Variants in C20orf96 observed in about 807,000 individuals in gnomAD.
C20orf96 encodes uncharacterized protein C20orf96.
C20orf96 carries 57 observed loss-of-function variants against 52.6 expected under a neutral mutation model. The observed-to-expected ratio is 1.08, with a 90% confidence interval of 0.88 to 1.35. The LOEUF (loss-of-function observed/expected upper bound fraction) is 1.35. Among genes scored for constraint, C20orf96 ranks in the 40% most tolerant of loss-of-function variants. C20orf96 has a pLI of 0.00. For synonymous variants in C20orf96, 168 were observed against 157.2 expected, an observed-to-expected ratio of 1.07 and a Z score of -0.51; for missense variants, 478 against 443.6, an observed-to-expected ratio of 1.08 and a Z score of -0.70.
At position 276,870 on chromosome 20, in the gene C20orf96, G is replaced by A. The variant is rs113722416; in HGVS notation, c.835C>T (p.Arg279Cys). ...ILSSVVAETQ[R>C]PYEEALLQKM... ...TGTAGGAGAGCCTCTTCATAGGGAC[G>A]CTGGGTTTCCTGTGGAGGAAGAAGA... The change falls in exon 9 of 11, where the codon CGT becomes TGT. Residue 279 changes from arginine to cysteine, a missense_variant. Arg to Cys is a radical substitution (Grantham distance 180). Coordinates refer to ENST00000360321, the MANE Select transcript of C20orf96 (RefSeq NM_153269.3). The A allele has an allele frequency of 6.4e-5, 103 of 1,613,980 alleles. 2 individuals are homozygous for A. Among genetic ancestry groups the A allele is most frequent in the East Asian group, 4.9e-4 (22 of 44,872 alleles).
rs71327437 is a variant in C20orf96 at position 287,908 on chromosome 20, C to CAAAAAAAAAAA, written c.187+1640_187+1650dup. 4.0e-3 allele frequency among the ~76,000 whole-genome samples: 250 copies of CAAAAAAAAAAA among 62,984 alleles called. 10 individuals carry two copies. Among genetic ancestry groups the CAAAAAAAAAAA allele is most frequent in the African/African-American group, 5.6e-3 (98 of 17,398 alleles). 41.3% of individuals were successfully genotyped at this position (62,984 alleles called of 152,430 possible). A position where few individuals can be genotyped will look rare whatever the true frequency, so the allele number is the denominator to read the frequency against. ...TGAGCAACAAAGCGAGACTCCTTCT[C>CAAAAAAAAAAA]AAAAAAAAAAAAAAAAAAAAAAGTC... On this transcript the variant is annotated intron_variant, in intron 3 of 10. Coordinates refer to ENST00000360321, the MANE Select transcript of C20orf96 (RefSeq NM_153269.3).
At position 286,057 on chromosome 20, in the gene C20orf96, T is replaced by C. The variant is rs1310674560; in HGVS notation, c.188-1976A>G. Among the ~76,000 whole-genome samples the C allele has an allele frequency of 2.6e-5, 4 of 152,342 alleles. No individual in the cohort carries two copies. In the East Asian group the frequency reaches 7.7e-4, roughly 29 times the overall value. On this transcript the variant is annotated intron_variant, in intron 3 of 10. Transcript: ENST00000360321. ...AAGTTCCAAAACCCCCTTACAAGTG[T>C]TTATAAAAATTGTAAGATTCTTAAG...
intron 4 of C20orf96, 100 bp from the exon 5 acceptor site, chr20:279,430 G>A (rs889390818): frequency 4.6e-6 from 6 of 1,302,584 alleles, no homozygotes; most frequent in Non-Finnish European, 4.0e-6. Flanking sequence ...CCAGACGCCC[G>A]CCCCCGTGCG....
In C20orf96 at chr20:289,637, G is replaced by C; in HGVS notation, c.109C>G (p.Pro37Ala). 1 of 1,614,044 alleles carries C rather than the reference G, an allele frequency of 6.2e-7. No homozygotes were observed. The highest frequency in any genetic ancestry group is 8.5e-7 in the Non-Finnish European group (1 of 1,179,950). The change falls in exon 3 of 11, where the codon CCA (proline) becomes GCA (alanine). Residue 37 changes from proline (P) to alanine (A), a missense_variant. Transcript: ENST00000360321. The part of the protein sequence containing the change: ...PWQQSKQETK[P>A]STLPPVQQAN... ...TGTTGGACTGGAGGCAGAGTAGATG[G>C]CTTGGTTTCCTGCTTGGACTGCTGC...
intron 5 of C20orf96, 42 bp from the exon 6 acceptor site, chr20:278,471 G>T: frequency 6.6e-7 from 1 of 1,504,870 alleles, no homozygotes; most frequent in Non-Finnish European, 9.3e-7. Flanking sequence ...GGCTCTGCTG[G>T]CTCTCAGAGG....
chr20:273,747 C>G (rs1211532975), intron 10 of C20orf96, among the ~76,000 whole-genome samples: 1 of 151,840 alleles, frequency 6.6e-6, no homozygotes, highest in Non-Finnish European at 1.5e-5. Flanking sequence ...CATGGTGGTG[C>G]ACACCTGTAA....
In C20orf96 at chr20:271,393, A is replaced by C. The variant is rs142278252; in HGVS notation, c.1032-126T>G. On this transcript the variant is annotated intron_variant, in intron 10 of 10. Coordinates refer to ENST00000360321, the MANE Select transcript of C20orf96 (RefSeq NM_153269.3). ...GGGTTGGGGGGCAATCCCAAAATACAATCTGTGATCTATCTGTGACCTCAA... is the reference window on the plus strand; with the variant it reads ...GGGTTGGGGGGCAATCCCAAAATACCATCTGTGATCTATCTGTGACCTCAA... The C allele has an allele frequency of 9.1e-4, 608 of 670,528 alleles. 5 individuals carry two copies. Among genetic ancestry groups the C allele is most frequent in the South Asian group, 8.0e-3 (416 of 51,684 alleles). 41.5% of individuals were successfully genotyped at this position (670,528 alleles called of 1,614,324 possible).
intron 6 of C20orf96, 55 bp from the exon 7 acceptor site, chr20:277,438 C>G: frequency 2.5e-6 from 4 of 1,593,704 alleles, no homozygotes; most frequent in Non-Finnish European, 3.4e-6. Flanking sequence ...TTCCCTCAAG[C>G]ACCTGGGCCC....
chr20:280,154 G>A (rs919390753), intron 4 of C20orf96, among the ~76,000 whole-genome samples: 2 of 152,074 alleles, frequency 1.3e-5, no homozygotes, highest in Non-Finnish European at 2.9e-5. Context: ...AGGGTCTGAG[G>A]GTTAAGTGAC....
chr20:276,849 GGA>G lies in C20orf96; in HGVS notation c.854_855del (p.Leu285ProfsTer22). On this transcript the variant is annotated frameshift_variant, in exon 9 of 11. Coordinates refer to ENST00000360321, the MANE Select transcript of C20orf96 (RefSeq NM_153269.3). LOFTEE classifies it high-confidence loss of function. ...AETQRPYEEA[L>X]LQKMWESQDF... ...TCCTGGCTTTCCCACATCTTCTGTA[GGA>G]GAGCCTCTTCATAGGGACGCTGGGT... 1 of 1,613,934 alleles carries G rather than the reference GGA, an allele frequency of 6.2e-7. No individual in the cohort carries two copies.
In C20orf96 at chr20:279,324, G is replaced by T; in HGVS notation, c.313C>A (p.Leu105Ile). ...HAKIWLMKTS[L>I]RSGRAALREL... ...CGCAGAGCGGCCCTCCCGCTCCTGA[G>T]CGAGGTCTGCGGGCGGAGGGAAGAG... is the stretch of plus-strand genomic sequence containing the variant. Residue 105 changes from leucine to isoleucine, a missense_variant, in exon 5 of 11, where the codon CTC becomes ATC. Physicochemically the swap from Leu to Ile is conservative, Grantham distance 5. Coordinates refer to ENST00000360321, the MANE Select transcript of C20orf96 (RefSeq NM_153269.3). 1 of 1,604,526 alleles carries T rather than the reference G, an allele frequency of 6.2e-7. No homozygotes were observed. The highest frequency in any genetic ancestry group is 8.5e-7 in the Non-Finnish European group (1 of 1,178,906).
chr20:282,861 A>C (rs529411566), intron 4 of C20orf96, among the ~76,000 whole-genome samples: 1 of 152,200 alleles, frequency 6.6e-6, no homozygotes, highest in Non-Finnish European at 1.5e-5. Context: ...GACGGAGTGA[A>C]ACTCTGTCTC....
At position 277,063 on chromosome 20, in the gene C20orf96, A is replaced by T; in HGVS notation, c.806T>A (p.Ile269Asn). ...SDKIQKKKKKILSSVVAETQR... is the reference protein window; with the variant it reads ...SDKIQKKKKKNLSSVVAETQR... ...ACTCACCGCCACCACAGAACTCAGA[A>T]TTTTTTTCTTCTTCTTCTGAATCTT... The change falls in exon 8 of 11, where the codon ATT (isoleucine) becomes AAT (asparagine). Residue 269 changes from isoleucine (I) to asparagine (N), a missense_variant. Physicochemically the swap from Ile to Asn is moderately radical, Grantham distance 149. Coordinates refer to ENST00000360321, the MANE Select transcript of C20orf96 (RefSeq NM_153269.3). 6.2e-7 allele frequency: 1 copy of T among 1,613,690 alleles called. No homozygotes were observed. The highest frequency in any genetic ancestry group is 1.1e-5 in the South Asian group (1 of 91,048).
At chr20:287,181 A>G (rs765501599) in intron 3 of C20orf96, among the ~76,000 whole-genome samples, 38 of 152,216 alleles carry the variant, frequency 2.5e-4, no homozygotes, top group Non-Finnish European at 5.1e-4. Flanking sequence ...TAAATGCCCA[A>G]GAGTAAAACT....
chr20:283,707 A>G (rs571714959), intron 4 of C20orf96, among the ~76,000 whole-genome samples: 1 of 152,332 alleles, frequency 6.6e-6, no homozygotes, highest in Non-Finnish European at 1.5e-5. Context: ...ACAGAACAGC[A>G]AACGCTTTGT....
At chr20:290,186 C>T in intron 2 of C20orf96, 73 bp downstream of exon 2, 1 of 1,210,158 alleles carries the variant, frequency 8.3e-7, no homozygotes, top group Non-Finnish European at 1.2e-6. Context: ...CAGTCACGAC[C>T]GTGAGAGTGG....
chr20:278,956 G>GAGGGCAGGAGGGAGGGACGGAGGGAGGA (rs2012125888), intron 5 of C20orf96, among the ~76,000 whole-genome samples: 3 of 6,438 alleles, frequency 4.7e-4, no homozygotes, highest in African/African-American at 9.0e-4. Flanking sequence ...CGGAGGGAGG[G>GAGGGCAGGAGGGAGGGACGGAGGGAGGA]AGGGCGGGAC....
At chr20:274,077 T>C (rs2011939738) in intron 10 of C20orf96, among the ~76,000 whole-genome samples, 1 of 151,970 alleles carries the variant, frequency 6.6e-6, no homozygotes, top group African/African-American at 2.4e-5. Context: ...GAAATGTAGA[T>C]TCATGAGCCC....
At chr20:272,217 T>A (rs983413970) in intron 10 of C20orf96, among the ~76,000 whole-genome samples, 1 of 152,014 alleles carries the variant, frequency 6.6e-6, no homozygotes, top group Admixed American at 6.6e-5. Context: ...AAAAAGTTCA[T>A]CTCTATGCTG....
Sources: gnomAD v4.1 joint callset for allele counts (sites outside exome capture counted in the v4.1 genomes callset) on GRCh38, gnomAD v4.1.1 for gene constraint, MANE v1.5 for transcripts, NCBI Gene and HGNC (gene_info 2026-07-23, HGNC 2026-07-21) for gene names.